PPP1R2: variants seen among roughly 807,000 people sequenced by gnomAD.
PPP1R2 encodes protein phosphatase 1 regulatory inhibitor subunit 2.
PPP1R2 carries 16 observed loss-of-function variants against 29.9 expected under a neutral mutation model. The observed-to-expected ratio is 0.53, with a 90% confidence interval of 0.36 to 0.81. PPP1R2 has a LOEUF of 0.81. Among genes scored for constraint, PPP1R2 ranks in the 30% least tolerant of loss-of-function variants. The pLI, the probability that PPP1R2 is intolerant of heterozygous loss-of-function variation, is 0.00. For missense variants in PPP1R2, 197 were observed against 252.7 expected (o/e 0.78, Z 1.49); for synonymous variants, 76 against 91.5 (o/e 0.83, Z 0.96).
chr3:195,540,245 T>C (rs1432597895), intron 1 of PPP1R2, among the ~76,000 whole-genome samples: 1 of 152,182 alleles, frequency 6.6e-6, no homozygotes, highest in Admixed American at 6.5e-5. Context: ...TGTTCCCAGA[T>C]GGGGTCAAAC....
chr3:195,531,113 G>A (rs1361508976), intron 1 of PPP1R2, among the ~76,000 whole-genome samples: 6 of 152,260 alleles, frequency 3.9e-5, no homozygotes, highest in Middle Eastern at 3.4e-3. Flanking sequence ...GTGAGCCACC[G>A]TGCCTGGCCT....
chr3:195,528,198 T>C (rs1162090465), intron 2 of PPP1R2, among the ~76,000 whole-genome samples: 1 of 152,164 alleles, frequency 6.6e-6, no homozygotes, highest in Non-Finnish European at 1.5e-5. Flanking sequence ...ATGCCTTTGC[T>C]TAGCTCCCGC....
At chr3:195,530,886 G>A (rs1394149598) in intron 1 of PPP1R2, among the ~76,000 whole-genome samples, 1 of 150,820 alleles carries the variant, frequency 6.6e-6, no homozygotes, top group Non-Finnish European at 1.5e-5. Flanking sequence ...GCAATGGCAC[G>A]ATCTCGGCTC....
intron 1 of PPP1R2, among the ~76,000 whole-genome samples, chr3:195,536,943 A>T (rs992875472): frequency 6.6e-6 from 1 of 152,082 alleles, no homozygotes; most frequent in Non-Finnish European, 1.5e-5. Flanking sequence ...CAAGATAAGG[A>T]TTGAAGAAAA....
chr3:195,534,934 C>T (rs528675774), intron 1 of PPP1R2, among the ~76,000 whole-genome samples: 14 of 152,212 alleles, frequency 9.2e-5, no homozygotes, highest in African/African-American at 3.4e-4. Context: ...TGAGTTCAAC[C>T]CTATAAAGGT....
chr3:195,523,567 T>C (rs1560434574), intron 4 of PPP1R2, 125 bp downstream of exon 4: 3 of 702,726 alleles, frequency 4.3e-6, no homozygotes, highest in Non-Finnish European at 7.5e-6. Context: ...TATAAAGATG[T>C]TGCTTTCATT....
At chr3:195,540,248 G>C (rs1255774842) in intron 1 of PPP1R2, among the ~76,000 whole-genome samples, 5 of 152,042 alleles carry the variant, frequency 3.3e-5, no homozygotes, top group Non-Finnish European at 1.5e-5. Context: ...TCCCAGATGG[G>C]GTCAAACAAG....
At chr3:195,539,743 C>T (rs1719523356) in intron 1 of PPP1R2, among the ~76,000 whole-genome samples, 1 of 152,018 alleles carries the variant, frequency 6.6e-6, no homozygotes, top group African/African-American at 2.4e-5. Flanking sequence ...AAAATAACAG[C>T]ACTGAGTCAT....
intron 4 of PPP1R2, among the ~76,000 whole-genome samples, chr3:195,522,667 A>C (rs1718805900): frequency 6.6e-6 from 1 of 152,238 alleles, no homozygotes; most frequent in South Asian, 2.1e-4. Context: ...ACAACTTGAG[A>C]ATATGCTACA....
chr3:195,543,179 T>C lies in PPP1R2; in HGVS notation c.-154A>G. On this transcript the variant is annotated 5_prime_UTR_variant, in exon 1 of 6. Coordinates refer to ENST00000618156, the MANE Select transcript of PPP1R2 (RefSeq NM_006241.8). ...GCCTCGGAAACGGCTACCGCAGCGGTTGTCACGACACAACGACCCCGACGC... is the reference window on the plus strand; with the variant it reads ...GCCTCGGAAACGGCTACCGCAGCGGCTGTCACGACACAACGACCCCGACGC... 9.3e-7 allele frequency: 1 copy of C among 1,077,570 alleles called. No individual in the cohort carries two copies. The highest frequency in any genetic ancestry group is 1.3e-6 in the Non-Finnish European group (1 of 785,996). 66.8% of individuals were successfully genotyped at this position (1,077,570 alleles called of 1,614,324 possible).
intron 1 of PPP1R2, among the ~76,000 whole-genome samples, chr3:195,542,507 G>A (rs1719633118): frequency 6.6e-6 from 1 of 152,116 alleles, no homozygotes; most frequent in African/African-American, 2.4e-5. Context: ...ATTAGCTTGA[G>A]ACTAGATCTT....
intron 4 of PPP1R2, among the ~76,000 whole-genome samples, chr3:195,521,312 C>CT (rs1718752127): frequency 5.4e-5 from 1 of 18,370 alleles, no homozygotes; most frequent in Non-Finnish European, 8.2e-5. Flanking sequence ...AGGACTCTGT[C>CT]TCAAAAAAAA....
At chr3:195,530,102 C>A (rs1024286304) in intron 1 of PPP1R2, among the ~76,000 whole-genome samples, 9 of 152,172 alleles carry the variant, frequency 5.9e-5, no homozygotes, top group South Asian at 4.1e-4. Flanking sequence ...AAATATAGAA[C>A]ACCTAGTGCC....
intron 3 of PPP1R2, 132 bp from the exon 4 acceptor site, chr3:195,523,918 T>C: frequency 1.2e-6 from 1 of 804,696 alleles, no homozygotes; most frequent in Non-Finnish European, 2.0e-6. Flanking sequence ...ATGAGGAAAA[T>C]AAAAGGCAAG....
chr3:195,539,523 G>A (rs1160515205), intron 1 of PPP1R2, among the ~76,000 whole-genome samples: 1 of 152,042 alleles, frequency 6.6e-6, no homozygotes, highest in Non-Finnish European at 1.5e-5. Flanking sequence ...ACCAGCCTGA[G>A]CAATATACTA....
intron 4 of PPP1R2, among the ~76,000 whole-genome samples, chr3:195,521,552 G>A (rs76557701): frequency 0.048 from 7,256 of 151,788 alleles, 282 homozygotes; most frequent in South Asian, 0.17. Context: ...AATTTTCAAT[G>A]TTTTTAAGAC....
chr3:195,540,745 T>C (rs567997398), intron 1 of PPP1R2, among the ~76,000 whole-genome samples: 5 of 152,248 alleles, frequency 3.3e-5, no homozygotes, highest in Admixed American at 3.3e-4. Context: ...CTGCACCACC[T>C]TGGAACTCCA....
At chr3:195,518,294 C>T (rs1040562498) in intron 5 of PPP1R2, among the ~76,000 whole-genome samples, 37 of 152,094 alleles carry the variant, frequency 2.4e-4, no homozygotes, top group African/African-American at 7.5e-4. Context: ...CAAAAGAATC[C>T]GTATTGGAAA....
At chr3:195,534,597 A>G in intron 1 of PPP1R2, among the ~76,000 whole-genome samples, 1 of 152,266 alleles carries the variant, frequency 6.6e-6, no homozygotes, top group East Asian at 1.9e-4. Flanking sequence ...ACCAGCTGCC[A>G]GTCTTGTGGT....
Sources: gnomAD v4.1 joint callset for allele counts (sites outside exome capture counted in the v4.1 genomes callset) on GRCh38, gnomAD v4.1.1 for gene constraint, MANE v1.5 for transcripts, NCBI Gene and HGNC (gene_info 2026-07-23, HGNC 2026-07-21) for gene names.